The following COL6A6 variants were observed in gnomAD, a reference collection of about 807,000 sequenced individuals.
COL6A6 encodes the protein collagen alpha-6(VI) chain.
COL6A6 carries 183 observed loss-of-function variants against 208.6 expected under a neutral mutation model. The ratio of observed to expected loss-of-function variants is 0.88; its 90% CI spans 0.78 to 0.99. COL6A6 has a LOEUF of 0.99. COL6A6 is among the 50% of genes least tolerant of loss of function. The pLI is 0.00. For missense variants in COL6A6, 2,816 were observed against 2,815.2 expected (o/e 1.00, Z -0.01); for synonymous variants, 973 against 1,011.8 (o/e 0.96, Z 0.73).
At chr3:130,521,418 C>T (rs1258042327) in intron 1 of COL6A6, among the ~76,000 whole-genome samples, 1 of 152,158 alleles carries the variant, frequency 6.6e-6, no homozygotes, top group African/African-American at 2.4e-5. Context: ...GTCTGTGTAC[C>T]ATATTTTCGT....
chr3:130,659,769 T>G (rs1249105617), intron 34 of COL6A6, among the ~76,000 whole-genome samples: 1 of 152,186 alleles, frequency 6.6e-6, no homozygotes, highest in East Asian at 1.9e-4. Flanking sequence ...AATGCTTGAT[T>G]TTTCTCCTTC....
chr3:130,568,790 A>G (rs1186133222), intron 6 of COL6A6, among the ~76,000 whole-genome samples, 186 bp downstream of exon 6: 1 of 152,244 alleles, frequency 6.6e-6, no homozygotes. Context: ...ACCTAGACCC[A>G]TTCCCATTTG....
At chr3:130,597,556 ATTG>A (rs1176111428) in intron 18 of COL6A6, among the ~76,000 whole-genome samples, 7 of 152,176 alleles carry the variant, frequency 4.6e-5, no homozygotes, top group African/African-American at 1.7e-4. Context: ...GGACTGGATA[ATTG>A]TTGTCCTCTC....
Position 130,664,826 on chromosome 3 carries a change from T to C in COL6A6, c.6503-177T>C, listed in dbSNP as rs538685512. ...ATAAATTCAGAAGGGATGTGTTTTCTAAAGTCAGTTTTAAAGATTCCCCTG... is the reference window on the plus strand; with the variant it reads ...ATAAATTCAGAAGGGATGTGTTTTCCAAAGTCAGTTTTAAAGATTCCCCTG... On this transcript the variant is annotated intron_variant, in intron 35 of 36. Coordinates refer to ENST00000358511, the MANE Select transcript of COL6A6 (RefSeq NM_001102608.3). Among the ~76,000 whole-genome samples, 26 of 152,350 alleles carry C rather than the reference T, an allele frequency of 1.7e-4. 1 individual carries two copies. Among genetic ancestry groups the C allele is most frequent in the Admixed American group, 1.1e-3 (17 of 15,300 alleles).
intron 1 of COL6A6, among the ~76,000 whole-genome samples, chr3:130,532,239 CTTTA>C (rs1321057723): frequency 6.6e-6 from 1 of 152,158 alleles, no homozygotes; most frequent in African/African-American, 2.4e-5. Flanking sequence ...TGTCTGTTGT[CTTTA>C]TTCACTCAGG....
intron 26 of COL6A6, among the ~76,000 whole-genome samples, chr3:130,634,251 A>AT (rs2065041843): frequency 6.9e-6 from 1 of 144,262 alleles, no homozygotes; most frequent in Non-Finnish European, 1.5e-5. Flanking sequence ...ATAAAAAAAA[A>AT]AAAAAAAAAA....
In COL6A6 at chr3:130,574,434, A is replaced by G. The variant is rs1236313592; in HGVS notation, c.3456A>G (p.Ala1152=). 11 of 1,613,946 alleles carry G rather than the reference A, an allele frequency of 6.8e-6. No homozygotes were observed. Among genetic ancestry groups the G allele is most frequent in the Middle Eastern group, 1.6e-4 (1 of 6,084 alleles). ...AGCTCATTCAGATCACCGGGACTGCAGAGAAAAAACTGACAGTGCACAACT... is the reference window on the plus strand; with the variant it reads ...AGCTCATTCAGATCACCGGGACTGCGGAGAAAAAACTGACAGTGCACAACT... ...DQQLIQITGT[A]EKKLTVHNFD... Residue 1152 remains alanine, a synonymous_variant, in exon 8 of 37, where the codon GCA becomes GCG. Coordinates refer to ENST00000358511, the MANE Select transcript of COL6A6 (RefSeq NM_001102608.3).
intron 20 of COL6A6, 70 bp downstream of exon 20, chr3:130,599,880 T>A: frequency 1.4e-6 from 2 of 1,434,276 alleles, no homozygotes; most frequent in Non-Finnish European, 2.0e-6. Flanking sequence ...TGGCTGACTT[T>A]GGGGGAGTGG....
intron 36 of COL6A6, 29 bp downstream of exon 36, chr3:130,665,125 A>G (rs1280947898): frequency 6.8e-7 from 1 of 1,463,094 alleles, no homozygotes; most frequent in Non-Finnish European, 9.4e-7. Flanking sequence ...TACTTGATAA[A>G]TGAGAATGCC....
Position 130,581,972 on chromosome 3 carries a change from T to C in COL6A6, c.3892-18T>C. The C allele has an allele frequency of 6.2e-7, 1 of 1,601,030 alleles. No homozygotes were observed. Among genetic ancestry groups the C allele is most frequent in the Non-Finnish European group, 8.5e-7 (1 of 1,173,628 alleles). On this transcript the variant is annotated intron_variant, in intron 9 of 36. Coordinates refer to ENST00000358511, the MANE Select transcript of COL6A6 (RefSeq NM_001102608.3). ...AACCCTTTTTAATTCATTTTACTTT[T>C]TTTGAATACTTTCTTAGGTGGTCCT... is the stretch of plus-strand genomic sequence containing the variant.
At chr3:130,615,309 T>C (rs577490452) in intron 23 of COL6A6, among the ~76,000 whole-genome samples, 1 of 152,230 alleles carries the variant, frequency 6.6e-6, no homozygotes, top group African/African-American at 2.4e-5. Context: ...CTGTGGTTGA[T>C]ATGATTTTGT....
Position 130,581,896 on chromosome 3 carries a change from C to CG in COL6A6, c.3884dup (p.Gly1296ArgfsTer13). ...TACATTTCAGAATAAATCAGCTGCT[C>CG]GAGGAAAGGTAACATGGATTTATCT... On this transcript the variant is annotated frameshift_variant, in exon 9 of 37. Coordinates refer to ENST00000358511, the MANE Select transcript of COL6A6 (RefSeq NM_001102608.3). LOFTEE classifies it high-confidence loss of function. 1 of 1,603,586 alleles carries CG rather than the reference C, an allele frequency of 6.2e-7. No homozygotes were observed. Among genetic ancestry groups the CG allele is most frequent in the Non-Finnish European group, 8.5e-7 (1 of 1,173,382 alleles).
At chr3:130,569,139 T>A (rs1310547095) in intron 6 of COL6A6, among the ~76,000 whole-genome samples, 1 of 152,198 alleles carries the variant, frequency 6.6e-6, no homozygotes, top group Non-Finnish European at 1.5e-5. Context: ...CTGGCATTTA[T>A]CCTCCTGGGC....
At chr3:130,588,944 C>G in intron 11 of COL6A6, 146 bp from the exon 12 acceptor site, 1 of 231,284 alleles carries the variant, frequency 4.3e-6, no homozygotes, top group East Asian at 1.1e-4. Context: ...AAAAAAGTTT[C>G]ATGCATTCTT....
rs2063046954 is a variant in COL6A6, at chr3:130,567,138, G to A, written c.1719G>A (p.Lys573=). ...EHIRVYAIGI[K]EANQTQLREI... is the part of the protein sequence containing the mutation. ...TCCGAGTTTATGCTATCGGGATCAA[G>A]GAGGCCAACCAAACACAGCTGAGAG... The change falls in exon 5 of 37, where the codon AAG becomes AAA. Residue 573 remains lysine, a synonymous_variant. Coordinates refer to ENST00000358511, the MANE Select transcript of COL6A6 (RefSeq NM_001102608.3). 6.2e-7 allele frequency: 1 copy of A among 1,613,970 alleles called. No homozygotes were observed. Among genetic ancestry groups the A allele is most frequent in the Non-Finnish European group, 8.5e-7 (1 of 1,179,872 alleles).
chr3:130,600,827 A>T (rs1220225042), intron 20 of COL6A6, among the ~76,000 whole-genome samples: 2 of 152,216 alleles, frequency 1.3e-5, no homozygotes, highest in Non-Finnish European at 2.9e-5. Flanking sequence ...ACACTTATGT[A>T]ACAAACCTAC....
Position 130,565,376 on chromosome 3 carries a change from G to A in COL6A6, c.1044G>A (p.Val348=). ...CCCACCGAGATTCAGAAGACAACGTGACAAAAGCAGCTGTTAACCTCCGAC... is the reference window on the plus strand; with the variant it reads ...CCCACCGAGATTCAGAAGACAACGTAACAAAAGCAGCTGTTAACCTCCGAC... ...LVTHRDSEDN[V]TKAAVNLRRE... Residue 348 remains valine, a synonymous_variant, in exon 4 of 37, where the codon GTG becomes GTA. Transcript: ENST00000358511. 1 of 1,613,938 alleles carries A rather than the reference G, an allele frequency of 6.2e-7. No homozygotes were observed.
At chr3:130,576,146 G>A (rs1006441161) in intron 8 of COL6A6, among the ~76,000 whole-genome samples, 7 of 152,254 alleles carry the variant, frequency 4.6e-5, no homozygotes, top group Admixed American at 6.5e-5. Context: ...GCCCTCCAGC[G>A]TGATTGCCTC....
intron 12 of COL6A6, among the ~76,000 whole-genome samples, chr3:130,590,302 T>TTTC (rs1381583652): frequency 1.8e-5 from 1 of 56,572 alleles, no homozygotes; most frequent in Non-Finnish European, 3.2e-5. Flanking sequence ...TATATATATT[T>TTTC]TTTTTTTTTT....
Sources: gnomAD v4.1 joint callset for allele counts (sites outside exome capture counted in the v4.1 genomes callset) on GRCh38, gnomAD v4.1.1 for gene constraint, MANE v1.5 for transcripts, NCBI Gene and HGNC (gene_info 2026-07-23, HGNC 2026-07-21) for gene names.